Variants in AUTS2 observed in about 807,000 individuals in gnomAD.
The protein encoded by AUTS2 is activator of transcription and developmental regulator AUTS2.
AUTS2 carries 17 observed loss-of-function variants against 112.4 expected under a neutral mutation model. The ratio of observed to expected loss-of-function variants is 0.15; its 90% CI spans 0.10 to 0.23. AUTS2 has a LOEUF of 0.23. Among genes scored for constraint, AUTS2 ranks in the 10% least tolerant of loss-of-function variants. The pLI is 1.00. For synonymous variants in AUTS2, 751 were observed against 702.7 expected, an observed-to-expected ratio of 1.07 and a Z score of -1.09; for missense variants, 1,510 against 1,701.6, an observed-to-expected ratio of 0.89 and a Z score of 1.98.
intron 1 of AUTS2, among the ~76,000 whole-genome samples, chr7:69,881,713 C>T (rs916750965): frequency 2.6e-5 from 4 of 152,142 alleles, no homozygotes; most frequent in Non-Finnish European, 5.9e-5. Context: ...AATGCCTCCC[C>T]CCACAGCCCT....
At chr7:70,458,917 C>A (rs898656493) in intron 5 of AUTS2, among the ~76,000 whole-genome samples, 3 of 152,210 alleles carry the variant, frequency 2.0e-5, no homozygotes, top group African/African-American at 7.2e-5. Flanking sequence ...CTTGCGAGAT[C>A]TCAGGGCCAT....
intron 4 of AUTS2, among the ~76,000 whole-genome samples, chr7:70,388,188 T>A (rs1219577442): frequency 1.3e-5 from 2 of 152,208 alleles, no homozygotes; most frequent in African/African-American, 4.8e-5. Context: ...TTCCATGAAA[T>A]CTTAGAACAG....
At chr7:70,618,963 A>T (rs1585387708) in intron 5 of AUTS2, among the ~76,000 whole-genome samples, 1 of 152,170 alleles carries the variant, frequency 6.6e-6, no homozygotes, top group East Asian at 1.9e-4. Flanking sequence ...TCACAGTTAG[A>T]TCAGAACAAT....
chr7:70,670,195 G>A (rs772700648), intron 5 of AUTS2, among the ~76,000 whole-genome samples: 1 of 152,120 alleles, frequency 6.6e-6, no homozygotes, highest in Admixed American at 6.5e-5. Context: ...TTTGATTTCT[G>A]TTTTATGGTA....
chr7:70,285,122 A>C (rs1258481929), intron 4 of AUTS2, among the ~76,000 whole-genome samples: 2 of 152,082 alleles, frequency 1.3e-5, no homozygotes, highest in Non-Finnish European at 2.9e-5. Flanking sequence ...TTAGTGGGCA[A>C]ATGGGGTGAT....
intron 4 of AUTS2, among the ~76,000 whole-genome samples, chr7:70,361,290 G>T (rs1792251624): frequency 6.6e-6 from 1 of 151,730 alleles, no homozygotes; most frequent in African/African-American, 2.4e-5. Context: ...CCGAGATCGC[G>T]CCACTGCACT....
chr7:70,032,146 T>G (rs1043488584), intron 2 of AUTS2, among the ~76,000 whole-genome samples: 2 of 152,132 alleles, frequency 1.3e-5, no homozygotes, highest in Non-Finnish European at 2.9e-5. Context: ...ACTTAAATTA[T>G]GATCCAGGTC....
intron 1 of AUTS2, among the ~76,000 whole-genome samples, chr7:69,806,197 CTTTTTTTT>C (rs56704400): frequency 1.8e-4 from 10 of 55,024 alleles, no homozygotes; most frequent in Admixed American, 7.6e-4. Context: ...CCAGCCAAGG[CTTTTTTTT>C]TTTTTTTTTT....
At chr7:70,205,800 T>A (rs1810544669) in intron 4 of AUTS2, among the ~76,000 whole-genome samples, 1 of 152,206 alleles carries the variant, frequency 6.6e-6, no homozygotes, top group Admixed American at 6.5e-5. Flanking sequence ...GGTTTTAAAC[T>A]AAGGCCTTTG....
chr7:70,175,274 C>G (rs1176182247), intron 4 of AUTS2, among the ~76,000 whole-genome samples: 4 of 152,170 alleles, frequency 2.6e-5, no homozygotes, highest in African/African-American at 9.7e-5. Context: ...TGAATTTCTG[C>G]AATCTCATCA....
At chr7:70,480,716 G>A (rs1391219913) in intron 5 of AUTS2, among the ~76,000 whole-genome samples, 2 of 152,196 alleles carry the variant, frequency 1.3e-5, no homozygotes, top group African/African-American at 2.4e-5. Flanking sequence ...ATGTGTGGTG[G>A]AAACTCCAGG....
At chr7:69,610,685 G>A (rs1426211800) in intron 1 of AUTS2, among the ~76,000 whole-genome samples, 3 of 152,102 alleles carry the variant, frequency 2.0e-5, no homozygotes, top group Non-Finnish European at 2.9e-5. Flanking sequence ...GAATAAGCCC[G>A]CATCATTCAG....
intron 5 of AUTS2, among the ~76,000 whole-genome samples, chr7:70,559,623 C>G (rs1186960573): frequency 6.6e-6 from 1 of 152,100 alleles, no homozygotes; most frequent in Non-Finnish European, 1.5e-5. Context: ...TGTGAGCCAC[C>G]ACTCCCAGCC....
rs1346505138 is a variant in AUTS2, at chr7:69,909,040, A to C, written c.522+9542A>C. On this transcript the variant is annotated intron_variant, in intron 2 of 18. Coordinates refer to ENST00000342771, the MANE Select transcript of AUTS2 (RefSeq NM_015570.4). Reference sequence around the variant, plus strand: ...CAGGTGCTGCAGGAGCCATATTTTTAAATAAACTGTACTTATTTTTTATTT... The same window carrying C: ...CAGGTGCTGCAGGAGCCATATTTTTCAATAAACTGTACTTATTTTTTATTT... Among the ~76,000 whole-genome samples, 3 of 152,308 alleles carry C rather than the reference A, an allele frequency of 2.0e-5. No homozygotes were observed. The East Asian group carries it at 5.8e-4, about 29-fold the overall frequency.
chr7:70,581,213 A>C (rs62455830), intron 5 of AUTS2, among the ~76,000 whole-genome samples: 19,275 of 152,018 alleles, frequency 0.13, 1,473 homozygotes, highest in Non-Finnish European at 0.15. Flanking sequence ...TGAAACCCCC[A>C]TCTCTACTAA....
chr7:70,144,926 T>C (rs1397224591), intron 4 of AUTS2, among the ~76,000 whole-genome samples: 1 of 152,124 alleles, frequency 6.6e-6, no homozygotes, highest in African/African-American at 2.4e-5. Flanking sequence ...TTGAAAAATC[T>C]CTGTTGAAGT....
intron 6 of AUTS2, among the ~76,000 whole-genome samples, chr7:70,738,279 T>A (rs1787885369): frequency 6.6e-6 from 1 of 152,160 alleles, no homozygotes; most frequent in African/African-American, 2.4e-5. Flanking sequence ...CTGTAACTCC[T>A]GAGTTGATTC....
At chr7:69,821,720 C>G (rs1028427946) in intron 1 of AUTS2, among the ~76,000 whole-genome samples, 4 of 151,866 alleles carry the variant, frequency 2.6e-5, no homozygotes, top group Non-Finnish European at 5.9e-5. Context: ...CTGTAACATT[C>G]ACCTTGACGT....
At chr7:69,600,321 T>A (rs540692501) in intron 1 of AUTS2, among the ~76,000 whole-genome samples, 1 of 151,996 alleles carries the variant, frequency 6.6e-6, no homozygotes, top group East Asian at 1.9e-4. Context: ...CCCTCCCCAA[T>A]CATGGCTTCT....
Sources: gnomAD v4.1 joint callset for allele counts (sites outside exome capture counted in the v4.1 genomes callset) on GRCh38, gnomAD v4.1.1 for gene constraint, MANE v1.5 for transcripts, NCBI Gene and HGNC (gene_info 2026-07-23, HGNC 2026-07-21) for gene names.